KDELR3: variants seen among roughly 807,000 people sequenced by gnomAD.
KDELR3 encodes the protein ER lumen protein-retaining receptor 3.
KDELR3 carries 26 observed loss-of-function variants against 22.7 expected under a neutral mutation model. The ratio of observed to expected loss-of-function variants is 1.15; its 90% CI spans 0.84 to 1.59. The LOEUF is 1.59. KDELR3 is among the 40% of genes most tolerant of loss of function. The pLI is 0.00. For missense variants in KDELR3, 289 were observed against 251.1 expected, an observed-to-expected ratio of 1.15 and a Z score of -1.02; for synonymous variants, 120 against 98.2, an observed-to-expected ratio of 1.22 and a Z score of -1.31.
In KDELR3 at chr22:38,483,397, C is replaced by T. The variant is rs775557002; in HGVS notation, c.*861C>T. 2.0e-5 allele frequency: 3 copies of T among 152,160 alleles called. No homozygotes were observed. Among genetic ancestry groups the T allele is most frequent in the Non-Finnish European group, 4.4e-5 (3 of 68,030 alleles). The allele number at this position is 152,160 out of a possible 1,614,324, so 9.4% of individuals were successfully genotyped here. On this transcript the variant is annotated 3_prime_UTR_variant, in exon 5 of 5. Coordinates refer to ENST00000216014, the MANE Select transcript of KDELR3 (RefSeq NM_006855.4). ...AACAAAAACTGTTTTAAGACGTCTACGTTGAATTATTCAGAGAATTAAGCA... is the reference window on the plus strand; with the variant it reads ...AACAAAAACTGTTTTAAGACGTCTATGTTGAATTATTCAGAGAATTAAGCA...
At chr22:38,480,659 A>G (rs893062200) in intron 3 of KDELR3, among the ~76,000 whole-genome samples, 5 of 152,040 alleles carry the variant, frequency 3.3e-5, no homozygotes, top group African/African-American at 1.2e-4. Context: ...AGGCTGAGAC[A>G]GGAGAATGGA....
intron 1 of KDELR3, among the ~76,000 whole-genome samples, chr22:38,471,562 T>C (rs543110355): frequency 1.3e-5 from 2 of 152,288 alleles, no homozygotes; most frequent in South Asian, 4.1e-4. Context: ...CCACTCTGCA[T>C]GAGGGGCCGT....
At chr22:38,482,462 G>C in intron 4 of KDELR3, 34 bp from the exon 5 acceptor site, 1 of 1,561,714 alleles carries the variant, frequency 6.4e-7, no homozygotes, top group Non-Finnish European at 8.8e-7. Flanking sequence ...TTCATCAGAT[G>C]GTAAATTCTT....
Position 38,483,147 on chromosome 22 carries a change from C to G in KDELR3, c.*611C>G, listed in dbSNP as rs1233007431. ...ATTTTTTCAAACCAGTGGCTGATAC[C>G]TGCCTTGTACTTAGTACCTTAATAC... On this transcript the variant is annotated 3_prime_UTR_variant, in exon 5 of 5. Coordinates refer to ENST00000216014, the MANE Select transcript of KDELR3 (RefSeq NM_006855.4). 6.5e-6 allele frequency: 1 copy of G among 153,182 alleles called. No individual in the cohort carries two copies. The highest frequency in any genetic ancestry group is 1.5e-5 in the Non-Finnish European group (1 of 68,818). 9.5% of individuals were successfully genotyped at this position (153,182 alleles called of 1,614,324 possible).
At chr22:38,473,145 C>T (rs373519969) in intron 1 of KDELR3, among the ~76,000 whole-genome samples, 24 of 152,258 alleles carry the variant, frequency 1.6e-4, no homozygotes, top group African/African-American at 5.8e-4. Flanking sequence ...AGCATTTAGA[C>T]TGGGCGCGGT....
intron 1 of KDELR3, among the ~76,000 whole-genome samples, chr22:38,471,154 A>C (rs903573666): frequency 1.6e-4 from 24 of 152,120 alleles, no homozygotes; most frequent in African/African-American, 5.8e-4. Flanking sequence ...CAAACAAACA[A>C]ACAAGCAAAA....
At chr22:38,481,061 A>C (rs573844625) in intron 3 of KDELR3, 151 bp from the exon 4 acceptor site, 23 of 722,650 alleles carry the variant, frequency 3.2e-5, no homozygotes, top group Non-Finnish European at 4.6e-5. Context: ...ATGGTAGGTT[A>C]AACTGATTAA....
At chr22:38,478,445 G>C in intron 2 of KDELR3, among the ~76,000 whole-genome samples, 1 of 144,218 alleles carries the variant, frequency 6.9e-6, no homozygotes, top group East Asian at 2.2e-4. Flanking sequence ...TGAGGCAGGA[G>C]AATCACTTGA....
rs1290241674 is a variant in KDELR3, at chr22:38,483,295, C to A, written c.*759C>A. On this transcript the variant is annotated 3_prime_UTR_variant, in exon 5 of 5. Coordinates refer to ENST00000216014, the MANE Select transcript of KDELR3 (RefSeq NM_006855.4). ...CCTGCTAGGGTTTTCAATTCCAATT[C>A]TTGTATTAAGTTTTTTCCTTTCAGT... is the stretch of plus-strand genomic sequence containing the variant. The A allele has an allele frequency of 6.6e-6, 1 of 152,132 alleles. No individual in the cohort carries two copies. Among genetic ancestry groups the A allele is most frequent in the Non-Finnish European group, 1.5e-5 (1 of 68,034 alleles). The allele number at this position is 152,132 out of a possible 1,614,324, so 9.4% of individuals were successfully genotyped here. A position where few individuals can be genotyped will look rare whatever the true frequency, so the allele number is the denominator to read the frequency against.
intron 1 of KDELR3, among the ~76,000 whole-genome samples, chr22:38,469,734 C>T (rs185507247): frequency 2.6e-5 from 4 of 152,324 alleles, no homozygotes; most frequent in African/African-American, 4.8e-5. Context: ...GGTACCTGGC[C>T]GCTGTCTGCC....
chr22:38,482,003 G>A (rs373955997), intron 4 of KDELR3, among the ~76,000 whole-genome samples: 10 of 152,308 alleles, frequency 6.6e-5, no homozygotes, highest in East Asian at 3.9e-4. Context: ...ATCCTGAGCC[G>A]CGGGTTGGAC....
At chr22:38,470,803 C>T (rs2089520093) in intron 1 of KDELR3, among the ~76,000 whole-genome samples, 1 of 152,090 alleles carries the variant, frequency 6.6e-6, no homozygotes. Context: ...TGTGCAGCTT[C>T]CTGGTGGAAA....
At chr22:38,474,353 G>C in intron 1 of KDELR3, 170 bp from the exon 2 acceptor site, 1 of 574,404 alleles carries the variant, frequency 1.7e-6, no homozygotes, top group South Asian at 2.1e-5. Context: ...TGATCCGATG[G>C]GAAGGGTGAG....
At chr22:38,478,628 G>GGTTTTTT (rs1569133063) in intron 2 of KDELR3, among the ~76,000 whole-genome samples, 1 of 24,142 alleles carries the variant, frequency 4.1e-5, no homozygotes, top group African/African-American at 1.3e-4. Flanking sequence ...CAGCATCTGT[G>GGTTTTTT]ATTTTTTTTT....
chr22:38,471,540 A>G (rs1185609919), intron 1 of KDELR3, among the ~76,000 whole-genome samples: 1 of 152,204 alleles, frequency 6.6e-6, no homozygotes, highest in Non-Finnish European at 1.5e-5. Context: ...TGTATTCCTC[A>G]GCTCAGTCCT....
intron 1 of KDELR3, 121 bp downstream of exon 1, chr22:38,468,445 G>C: frequency 1.4e-6 from 1 of 735,484 alleles, no homozygotes; most frequent in Non-Finnish European, 2.3e-6. Context: ...GGGGGTCCTT[G>C]AAACTTTGCG....
At chr22:38,474,349 G>A (rs907085917) in intron 1 of KDELR3, 174 bp from the exon 2 acceptor site, 6 of 568,986 alleles carry the variant, frequency 1.1e-5, no homozygotes, top group Admixed American at 9.5e-5. Context: ...CAAGTGATCC[G>A]ATGGGAAGGG....
chr22:38,471,075 C>T (rs1485242692), intron 1 of KDELR3, among the ~76,000 whole-genome samples: 8 of 152,032 alleles, frequency 5.3e-5, no homozygotes, highest in Admixed American at 2.6e-4. Flanking sequence ...ACCTGGGAGG[C>T]GGAGGTTGCA....
At chr22:38,469,364 T>C (rs1489451543) in intron 1 of KDELR3, among the ~76,000 whole-genome samples, 2 of 152,110 alleles carry the variant, frequency 1.3e-5, no homozygotes, top group Non-Finnish European at 2.9e-5. Flanking sequence ...TGGGGAGCCC[T>C]TCATGGTTTG....
Sources: gnomAD v4.1 joint callset for allele counts (sites outside exome capture counted in the v4.1 genomes callset) on GRCh38, gnomAD v4.1.1 for gene constraint, MANE v1.5 for transcripts, NCBI Gene and HGNC (gene_info 2026-07-23, HGNC 2026-07-21) for gene names.